Variants in CD2AP observed in about 807,000 individuals in gnomAD.
The protein encoded by CD2AP is CD2-associated protein.
In CD2AP, 46 loss-of-function variants were observed where a neutral mutation model predicts 85.1. That is an observed-to-expected ratio of 0.54 (90% confidence interval 0.43 to 0.69). The LOEUF (loss-of-function observed/expected upper bound fraction) is 0.69, where lower values mean the gene tolerates loss of function less well. Ranked by LOEUF, CD2AP falls within the 30% of genes least tolerant of loss-of-function variation. The pLI, the probability that CD2AP is intolerant of heterozygous loss-of-function variation, is 0.00. For missense variants in CD2AP, 769 were observed against 729.5 expected (o/e 1.05, Z -0.62); for synonymous variants, 255 against 252.9 (o/e 1.01, Z -0.08).
intron 2 of CD2AP, among the ~76,000 whole-genome samples, chr6:47,505,783 G>A (rs866587130): frequency 4.3e-5 from 4 of 92,806 alleles, no homozygotes; most frequent in African/African-American, 8.5e-5. Context: ...CGGACGGGGC[G>A]GCTGGCCGGG....
At chr6:47,586,222 T>C (rs760682604) in intron 11 of CD2AP, among the ~76,000 whole-genome samples, 1 of 152,106 alleles carries the variant, frequency 6.6e-6, no homozygotes. Context: ...CTGGAAAATA[T>C]AAGAAAGACC....
chr6:47,480,010 A>T (rs1765405522), intron 1 of CD2AP, among the ~76,000 whole-genome samples: 1 of 151,954 alleles, frequency 6.6e-6, no homozygotes, highest in South Asian at 2.1e-4. Flanking sequence ...GTGTACCAAT[A>T]CTTGGACATT....
intron 17 of CD2AP, among the ~76,000 whole-genome samples, chr6:47,622,279 G>T (rs1282007421): frequency 6.6e-6 from 1 of 152,212 alleles, no homozygotes; most frequent in Non-Finnish European, 1.5e-5. Context: ...AGCTGCGAAA[G>T]AAAAGGGCTT....
intron 4 of CD2AP, among the ~76,000 whole-genome samples, chr6:47,551,105 G>A (rs969670707): frequency 1.3e-5 from 2 of 152,024 alleles, no homozygotes; most frequent in Non-Finnish European, 2.9e-5. Context: ...GGTGATGGGT[G>A]CACCAGAATC....
chr6:47,568,492 A>G (rs1768062978), intron 5 of CD2AP, among the ~76,000 whole-genome samples: 1 of 152,196 alleles, frequency 6.6e-6, no homozygotes, highest in African/African-American at 2.4e-5. Flanking sequence ...CTGTAATCCC[A>G]GCCCTTTGGG....
intron 5 of CD2AP, among the ~76,000 whole-genome samples, chr6:47,559,167 G>C (rs1174069350): frequency 6.6e-6 from 1 of 151,632 alleles, no homozygotes; most frequent in Non-Finnish European, 1.5e-5. Flanking sequence ...GATCAGTGGT[G>C]ATCTCCCCTT....
intron 2 of CD2AP, among the ~76,000 whole-genome samples, chr6:47,511,643 C>T (rs1411158006): frequency 6.6e-6 from 1 of 151,806 alleles, no homozygotes; most frequent in Non-Finnish European, 1.5e-5. Flanking sequence ...CTTTTTATTC[C>T]AAAGCAAAAT....
intron 14 of CD2AP, among the ~76,000 whole-genome samples, chr6:47,606,949 C>G (rs1769292766): frequency 6.6e-6 from 1 of 152,000 alleles, no homozygotes; most frequent in Non-Finnish European, 1.5e-5. Context: ...ACCATCCCCC[C>G]ATCCCTACCG....
intron 16 of CD2AP, 104 bp downstream of exon 16, chr6:47,609,408 A>G (rs541525816): frequency 9.0e-6 from 8 of 887,112 alleles, no homozygotes; most frequent in Non-Finnish European, 1.3e-5. Context: ...TGGGTGTGGT[A>G]GTTCGCGCCT....
At chr6:47,572,561 T>G (rs1331408757) in intron 5 of CD2AP, among the ~76,000 whole-genome samples, 3 of 152,220 alleles carry the variant, frequency 2.0e-5, no homozygotes, top group Non-Finnish European at 4.4e-5. Flanking sequence ...GCAAGCCACC[T>G]GTAAAATGGT....
chr6:47,526,829 G>A (rs1225661636), intron 2 of CD2AP, among the ~76,000 whole-genome samples: 3 of 152,144 alleles, frequency 2.0e-5, no homozygotes, highest in East Asian at 1.9e-4. Context: ...TAGCTTATGA[G>A]GCAGACAGGA....
At chr6:47,615,679 G>A (rs1358023736) in intron 17 of CD2AP, among the ~76,000 whole-genome samples, 1 of 151,986 alleles carries the variant, frequency 6.6e-6, no homozygotes, top group African/African-American at 2.4e-5. Flanking sequence ...CTCCAACACT[G>A]GGGATTACTT....
intron 1 of CD2AP, among the ~76,000 whole-genome samples, chr6:47,487,547 G>A (rs1334231703): frequency 3.3e-5 from 5 of 152,128 alleles, no homozygotes; most frequent in South Asian, 2.1e-4. Context: ...AAAATTAGCC[G>A]GGCATGGTGG....
intron 13 of CD2AP, among the ~76,000 whole-genome samples, chr6:47,600,330 G>A (rs1447090308): frequency 6.6e-6 from 1 of 151,770 alleles, no homozygotes; most frequent in African/African-American, 2.4e-5. Flanking sequence ...AATTTTTCTA[G>A]CTTCATTGTT....
chr6:47,610,971 A>ATATATTT, intron 16 of CD2AP, among the ~76,000 whole-genome samples: 6 of 112,898 alleles, frequency 5.3e-5, no homozygotes, highest in Admixed American at 1.8e-4. Flanking sequence ...ATATATATGT[A>ATATATTT]TTTTTTTTTT....
intron 2 of CD2AP, among the ~76,000 whole-genome samples, chr6:47,510,428 T>C (rs1384139155): frequency 1.3e-5 from 2 of 151,988 alleles, no homozygotes; most frequent in Non-Finnish European, 2.9e-5. Flanking sequence ...GTGTTTGGGG[T>C]AATGAAGATA....
chr6:47,613,202 G>T (rs1045290752), intron 17 of CD2AP, among the ~76,000 whole-genome samples: 23 of 152,138 alleles, frequency 1.5e-4, no homozygotes, highest in African/African-American at 5.6e-4. Flanking sequence ...TTGACATTTT[G>T]ACTTTCTCTT....
intron 1 of CD2AP, among the ~76,000 whole-genome samples, chr6:47,492,512 CTGT>C (rs1427403570): frequency 6.6e-6 from 1 of 151,918 alleles, no homozygotes; most frequent in Admixed American, 6.6e-5. Flanking sequence ...CCCCACACAC[CTGT>C]TGTTATTTTT....
intron 15 of CD2AP, among the ~76,000 whole-genome samples, chr6:47,608,578 T>A (rs2114148681): frequency 6.6e-6 from 1 of 152,324 alleles, no homozygotes; most frequent in Admixed American, 6.5e-5. Flanking sequence ...TTTGTCAGCG[T>A]TTCCAATTTA....
Sources: allele counts gnomAD v4.1 joint callset (sites outside exome capture counted in the v4.1 genomes callset), GRCh38; gene constraint gnomAD v4.1.1; transcripts MANE v1.5; gene names NCBI Gene and HGNC (gene_info 2026-07-23, HGNC 2026-07-21).